SNAPC4: variants seen among roughly 807,000 people sequenced by gnomAD.
SNAPC4 encodes the protein snRNA-activating protein complex subunit 4.
Under a neutral mutation model 151.3 loss-of-function variants are expected in SNAPC4, and 127 were observed. The ratio of observed to expected loss-of-function variants is 0.84; its 90% CI spans 0.73 to 0.97. The LOEUF (loss-of-function observed/expected upper bound fraction) is 0.97. SNAPC4 is among the 50% of genes least tolerant of loss of function. The pLI, the probability that SNAPC4 is intolerant of heterozygous loss-of-function variation, is 0.00. For synonymous variants in SNAPC4, 1,002 were observed against 824.4 expected (o/e 1.22, Z -3.69); for missense variants, 2,186 against 1,935.0 (o/e 1.13, Z -2.43).
intron 1 of SNAPC4, among the ~76,000 whole-genome samples, chr9:136,398,976 C>T (rs1416825802): frequency 1.3e-5 from 2 of 152,252 alleles, no homozygotes; most frequent in Non-Finnish European, 2.9e-5. Flanking sequence ...AGGAAGCTCC[C>T]AAAGGGAAGG....
rs762164868 is a variant in SNAPC4 at position 136,388,522 on chromosome 9, A to G, written c.1045T>C (p.Trp349Arg). ...AGCATGCGGTCCTCCTCCTCTGTCC[A>G]CTCCTTGCGTTTCAGAGCTTTGTTG... Reference protein sequence around the residue: ...QHNKALKRKEWTEEEDRMLTQ... With the variant: ...QHNKALKRKERTEEEDRMLTQ... The change falls in exon 11 of 24, where the codon TGG (tryptophan) becomes CGG (arginine). Residue 349 changes from tryptophan to arginine, a missense_variant. Coordinates refer to ENST00000684778, the MANE Select transcript of SNAPC4 (RefSeq NM_003086.4). The G allele has an allele frequency of 6.2e-7, 1 of 1,613,762 alleles. No homozygotes were observed. Among genetic ancestry groups the G allele is most frequent in the Admixed American group, 1.7e-5 (1 of 60,018 alleles).
rs748011988 is a variant in SNAPC4 at position 136,379,007 on chromosome 9, G to A, written c.2820C>T (p.Arg940=). ...TTAAGACGGTGGGACCCGGGGCTGG[G>A]CGGCCGTGTGGGGTGTGTGGTAGAG... ...QPPLPHTPHG[R]PAPGPTVLNV... Residue 940 remains arginine (R), a synonymous_variant, in exon 22 of 24, where the codon CGC becomes CGT. Transcript: ENST00000684778. The A allele has an allele frequency of 3.1e-6, 5 of 1,605,928 alleles. No homozygotes were observed. Among genetic ancestry groups the A allele is most frequent in the South Asian group, 2.2e-5 (2 of 89,704 alleles).
chr9:136,394,928 G>A (rs1360966981), intron 5 of SNAPC4, 50 bp from the exon 6 acceptor site: 4 of 1,514,016 alleles, frequency 2.6e-6, no homozygotes, highest in Non-Finnish European at 2.7e-6. Context: ...TGTGCTCCCT[G>A]CAGGCCCAGC....
chr9:136,394,993 C>T lies in SNAPC4; in HGVS notation c.472-115G>A, dbSNP rs946794567. ...GGGCTCCCCCTGCCTCCTGTTCTCCCGTACTGTGAGGCTGTGGGGGTGCAA... is the reference window on the plus strand; with the variant it reads ...GGGCTCCCCCTGCCTCCTGTTCTCCTGTACTGTGAGGCTGTGGGGGTGCAA... On this transcript the variant is annotated intron_variant, in intron 5 of 23. Transcript: ENST00000684778. The T allele has an allele frequency of 4.1e-6, 4 of 966,536 alleles. No individual in the cohort carries two copies. In the Admixed American group the frequency reaches 7.5e-5, roughly 18 times the overall value. 59.9% of individuals were successfully genotyped at this position (966,536 alleles called of 1,614,324 possible). A position where few individuals can be genotyped will look rare whatever the true frequency, so the allele number is the denominator to read the frequency against.
chr9:136,388,870 A>G (rs1833978583), intron 10 of SNAPC4, among the ~76,000 whole-genome samples: 2 of 152,246 alleles, frequency 1.3e-5, no homozygotes, highest in Non-Finnish European at 1.5e-5. Context: ...AGGTAAACTG[A>G]TATGACTCCA....
rs3812574 is a variant in SNAPC4 at position 136,384,131 on chromosome 9, T to C, written c.1421-99A>G. ...GAGACTCGCCGTGGCCCCATCAGAG[T>C]GGAGCCTCCTGTGCACTCTCACGCT... is the stretch of plus-strand genomic sequence containing the variant. On this transcript the variant is annotated intron_variant, in intron 14 of 23. Transcript: ENST00000684778. The C allele has an allele frequency of 3.8e-4, 358 of 937,470 alleles. No homozygotes were observed. In the East Asian group the frequency reaches 8.1e-3, roughly 21 times the overall value. 58.1% of individuals were successfully genotyped at this position (937,470 alleles called of 1,614,324 possible).
Position 136,381,376 on chromosome 9 carries a change from C to T in SNAPC4, c.2334G>A (p.Glu778=), listed in dbSNP as rs1833684381. ...VVQTQADGLR[E]QLQQARLAST... The stretch of plus-strand genomic sequence containing the variant: ...TGGCCAGGCGGGCCTGCTGCAGCTG[C>T]TCCCTGAGGCCATCCGCTGCGGGCA... Residue 778 remains glutamate (E), a synonymous_variant, in exon 19 of 24, where the codon GAG becomes GAA. Transcript: ENST00000684778. 1.9e-6 allele frequency: 3 copies of T among 1,612,674 alleles called. No individual in the cohort carries two copies. Among genetic ancestry groups the T allele is most frequent in the Non-Finnish European group, 2.5e-6 (3 of 1,179,788 alleles).
Position 136,392,504 on chromosome 9 carries a change from G to A in SNAPC4, c.810+18C>T. The A allele has an allele frequency of 6.2e-7, 1 of 1,612,214 alleles. No individual in the cohort carries two copies. The highest frequency in any genetic ancestry group is 8.5e-7 in the Non-Finnish European group (1 of 1,179,006). On this transcript the variant is annotated intron_variant, in intron 9 of 23. Transcript: ENST00000684778. Reference sequence around the variant, plus strand: ...TGTGCTCCAAGCTGCTTGGGGCTCAGACCTGCCCCTGACTTACGTTAATAT... The same window carrying A: ...TGTGCTCCAAGCTGCTTGGGGCTCAAACCTGCCCCTGACTTACGTTAATAT...
chr9:136,395,498 AGAG>A, intron 4 of SNAPC4, 75 bp from the exon 5 acceptor site: 2 of 1,574,916 alleles, frequency 1.3e-6, no homozygotes, highest in Non-Finnish European at 1.7e-6. Context: ...GACCCGGGGC[AGAG>A]GAGAGGCAGG....
At position 136,384,927 on chromosome 9, in the gene SNAPC4, A is replaced by C. The variant is rs1019312156; in HGVS notation, c.1326-113T>G. The C allele has an allele frequency of 1.7e-5, 10 of 575,650 alleles. No homozygotes were observed. The Middle Eastern group carries it at 1.1e-3, about 62-fold the overall frequency. 35.7% of individuals were successfully genotyped at this position (575,650 alleles called of 1,614,324 possible). On this transcript the variant is annotated intron_variant, in intron 13 of 23. Coordinates refer to ENST00000684778, the MANE Select transcript of SNAPC4 (RefSeq NM_003086.4). ...ATGACACTAAAGGCGCAAGCAACAAAAGAAAACTACAGATAAAGTAGACTT... is the reference window on the plus strand; with the variant it reads ...ATGACACTAAAGGCGCAAGCAACAACAGAAAACTACAGATAAAGTAGACTT...
chr9:136,379,657 G>A lies in SNAPC4; in HGVS notation c.2527+180C>T, dbSNP rs572962451. ...TAGGGCTGCAAGGGGAGCCCAGGGAGCTCCAAGCTGGCCCAGCCGGACTCT... is the reference window on the plus strand; with the variant it reads ...TAGGGCTGCAAGGGGAGCCCAGGGAACTCCAAGCTGGCCCAGCCGGACTCT... On this transcript the variant is annotated intron_variant, in intron 21 of 23. Coordinates refer to ENST00000684778, the MANE Select transcript of SNAPC4 (RefSeq NM_003086.4). 2.6e-5 allele frequency among the ~76,000 whole-genome samples: 4 copies of A among 152,336 alleles called. No individual in the cohort carries two copies. The South Asian group carries it at 8.3e-4, about 32-fold the overall frequency.
rs759938329 is a variant in SNAPC4, at chr9:136,378,916, C to G, written c.2911G>C (p.Glu971Gln). Residue 971 changes from glutamate to glutamine, a missense_variant, in exon 22 of 24, where the codon GAG becomes CAG. Coordinates refer to ENST00000684778, the MANE Select transcript of SNAPC4 (RefSeq NM_003086.4). ...AKPGTSGSWQ[E>Q]AGTSAKDKRL... ...TTGTCCTTGGCTGAAGTCCCAGCCT[C>G]CTGCCAGGAGCCAGAAGTGCCAGGT... is the stretch of plus-strand genomic sequence containing the variant. The G allele has an allele frequency of 6.2e-7, 1 of 1,611,078 alleles. No individual in the cohort carries two copies. Among genetic ancestry groups the G allele is most frequent in the Admixed American group, 1.7e-5 (1 of 59,776 alleles).
In SNAPC4 at chr9:136,377,808, G is replaced by A. The variant is rs779641465; in HGVS notation, c.4019C>T (p.Pro1340Leu). 1.6e-5 allele frequency: 26 copies of A among 1,611,520 alleles called. No individual in the cohort carries two copies. In the East Asian group the frequency reaches 1.8e-4, roughly 11 times the overall value. The change falls in exon 22 of 24, where the codon CCG (proline) becomes CTG (leucine). Residue 1340 changes from proline to leucine, a missense_variant. Physicochemically the swap from Pro to Leu is moderately conservative, Grantham distance 98. Coordinates refer to ENST00000684778, the MANE Select transcript of SNAPC4 (RefSeq NM_003086.4). ...SLVVGGEAERPAGALQASLGL... is the reference protein window; with the variant it reads ...SLVVGGEAERLAGALQASLGL... ...CAGTGAGGCTTGCAGTGCTCCGGCC[G>A]GCCGCTCAGCCTCGCCCCCCACCAC...
chr9:136,398,534 C>G, intron 1 of SNAPC4, 97 bp from the exon 2 acceptor site: 1 of 1,446,976 alleles, frequency 6.9e-7, no homozygotes, highest in Non-Finnish European at 9.4e-7. Context: ...TGGCAGGAGC[C>G]TGCTCGGCAG....
rs1833798975 is a variant in SNAPC4, at chr9:136,383,863, CCCCCT to C, written c.1500+85_1500+89del. On this transcript the variant is annotated intron_variant, in intron 15 of 23. Coordinates refer to ENST00000684778, the MANE Select transcript of SNAPC4 (RefSeq NM_003086.4). This position sits in a 1 kb window ranked among gnomAD's most constrained non-coding sequence, Gnocchi z 4.2. ...AATGCCAAGACCAGAAACCGAACGC[CCCCCT>C]CCCCTCCCCTCCTCCTGCCTGCTGG... 87 of 1,297,568 alleles carry C rather than the reference CCCCCT, an allele frequency of 6.7e-5. No homozygotes were observed. Among genetic ancestry groups the C allele is most frequent in the Non-Finnish European group, 8.2e-5 (74 of 905,268 alleles). The allele number at this position is 1,297,568 out of a possible 1,614,324, so 80.4% of individuals were successfully genotyped here.
chr9:136,395,914 C>T (rs1834253865), intron 3 of SNAPC4, 144 bp from the exon 4 acceptor site: 1 of 817,232 alleles, frequency 1.2e-6, no homozygotes, highest in Non-Finnish European at 1.9e-6. Flanking sequence ...AGGAAGTGAC[C>T]CTGGTGGGCA....
Position 136,383,827 on chromosome 9 carries a change from C to A in SNAPC4, c.1500+126G>T. The A allele has an allele frequency of 7.4e-7, 1 of 1,347,998 alleles. No individual in the cohort carries two copies. Among genetic ancestry groups the A allele is most frequent in the South Asian group, 1.2e-5 (1 of 80,498 alleles). The allele number at this position is 1,347,998 out of a possible 1,614,324, so 83.5% of individuals were successfully genotyped here. A position where few individuals can be genotyped will look rare whatever the true frequency, so the allele number is the denominator to read the frequency against. ...AGGGTCTCCCTTTGCCCTTGGCCAC[C>A]CAGAAGAAGAAATGCCAAGACCAGA... On this transcript the variant is annotated intron_variant, in intron 15 of 23. Coordinates refer to ENST00000684778, the MANE Select transcript of SNAPC4 (RefSeq NM_003086.4). The surrounding 1 kb of genome is among the most constrained non-coding windows in gnomAD (Gnocchi z 4.2).
At chr9:136,391,451 C>T (rs904897443) in intron 10 of SNAPC4, among the ~76,000 whole-genome samples, 9 of 152,110 alleles carry the variant, frequency 5.9e-5, no homozygotes, top group Admixed American at 3.9e-4. Flanking sequence ...GAAACTAGAG[C>T]TACTTTGGAA....
At chr9:136,397,160 G>T in intron 2 of SNAPC4, 137 bp from the exon 3 acceptor site, 1 of 780,648 alleles carries the variant, frequency 1.3e-6, no homozygotes, top group Non-Finnish European at 2.3e-6. Context: ...GGCGGTGAGC[G>T]GACCTTCCCT....
Sources: allele counts gnomAD v4.1 joint callset (sites outside exome capture counted in the v4.1 genomes callset), GRCh38; gene constraint gnomAD v4.1.1; non-coding constraint Gnocchi (gnomAD v3.1); transcripts MANE v1.5; gene names NCBI Gene and HGNC (gene_info 2026-07-23, HGNC 2026-07-21).